MEF2A: variants seen among roughly 807,000 people sequenced by gnomAD.
MEF2A encodes myocyte enhancer factor 2A.
In MEF2A, 28 loss-of-function variants were observed where a neutral mutation model predicts 55.8. The observed-to-expected ratio is 0.50, with a 90% CI of 0.37 to 0.69. MEF2A has a LOEUF of 0.69. Ranked by LOEUF, MEF2A falls within the 30% of genes least tolerant of loss-of-function variation. The pLI, the probability that MEF2A is intolerant of heterozygous loss-of-function variation, is 0.00. For missense variants in MEF2A, 528 were observed against 626.2 expected (o/e 0.84, Z 1.67); for synonymous variants, 239 against 227.1 (o/e 1.05, Z -0.47).
intron 8 of MEF2A, 32 bp downstream of exon 8, chr15:99,690,460 TA>T (rs764983441): frequency 1.2e-5 from 18 of 1,542,756 alleles, no homozygotes; most frequent in Non-Finnish European, 1.8e-6. Flanking sequence ...CTTCATTCTT[TA>T]AAACACATAT....
intron 2 of MEF2A, among the ~76,000 whole-genome samples, chr15:99,629,504 A>G (rs778931030): frequency 6.6e-6 from 1 of 152,132 alleles, no homozygotes; most frequent in Admixed American, 6.5e-5. Flanking sequence ...TAAGGTGGGC[A>G]TGTAAAAGAA....
intron 2 of MEF2A, among the ~76,000 whole-genome samples, chr15:99,615,856 G>A (rs1005907113): frequency 7.2e-5 from 11 of 152,138 alleles, no homozygotes; most frequent in Admixed American, 7.2e-4. Context: ...ACATTCACAT[G>A]GCCTGTGAAG....
At position 99,641,654 on chromosome 15, in the gene MEF2A, C is replaced by T. The variant is rs189076590; in HGVS notation, c.55-3907C>T. On this transcript the variant is annotated intron_variant, in intron 3 of 11. Transcript: ENST00000557942. ...AGGAGAACGGCATGAACTCGGGAGGCGGAGCTTGCAGTGAGTCGAGATCGT... is the reference window on the plus strand; with the variant it reads ...AGGAGAACGGCATGAACTCGGGAGGTGGAGCTTGCAGTGAGTCGAGATCGT... Among the ~76,000 whole-genome samples, 534 of 152,074 alleles carry T rather than the reference C, an allele frequency of 3.5e-3. 5 individuals are homozygous for T. The highest frequency in any genetic ancestry group is 0.012 in the African/African-American group (517 of 41,448).
intron 2 of MEF2A, among the ~76,000 whole-genome samples, chr15:99,627,214 A>C (rs187373242): frequency 1.3e-4 from 19 of 151,980 alleles, no homozygotes; most frequent in Middle Eastern, 3.4e-3. Flanking sequence ...AAAAAGTGGG[A>C]GTTTGAGATC....
At chr15:99,618,083 G>T (rs1349351841) in intron 2 of MEF2A, among the ~76,000 whole-genome samples, 2 of 152,130 alleles carry the variant, frequency 1.3e-5, no homozygotes, top group Non-Finnish European at 2.9e-5. Flanking sequence ...CACTTACTGT[G>T]ATGTCCCTTG....
At chr15:99,630,980 G>C (rs1596610440) in intron 2 of MEF2A, among the ~76,000 whole-genome samples, 1 of 152,180 alleles carries the variant, frequency 6.6e-6, no homozygotes, top group Non-Finnish European at 1.5e-5. Context: ...TGAGTCCAGA[G>C]ACTGGTCTCA....
intron 2 of MEF2A, among the ~76,000 whole-genome samples, chr15:99,610,100 T>C (rs1288256491): frequency 1.3e-5 from 2 of 152,112 alleles, no homozygotes; most frequent in Non-Finnish European, 2.9e-5. Context: ...TTTATATTAC[T>C]GGAAGCATTT....
At chr15:99,680,895 C>G (rs577916208) in intron 7 of MEF2A, among the ~76,000 whole-genome samples, 1 of 152,080 alleles carries the variant, frequency 6.6e-6, no homozygotes, top group Admixed American at 6.5e-5. Flanking sequence ...TTATTTATTA[C>G]TTATAACTTG....
At chr15:99,625,073 A>G (rs1374906703) in intron 2 of MEF2A, among the ~76,000 whole-genome samples, 1 of 152,172 alleles carries the variant, frequency 6.6e-6, no homozygotes, top group Non-Finnish European at 1.5e-5. Context: ...CACGTTTAAG[A>G]TAGGATAGGC....
intron 8 of MEF2A, among the ~76,000 whole-genome samples, chr15:99,695,541 T>G (rs201037731): frequency 1.4e-5 from 2 of 144,880 alleles, no homozygotes; most frequent in Non-Finnish European, 3.0e-5. Flanking sequence ...ATTGTCAGAT[T>G]TGTGTGTGTG....
At chr15:99,655,706 T>TG (rs2047594009) in intron 4 of MEF2A, among the ~76,000 whole-genome samples, 1 of 151,900 alleles carries the variant, frequency 6.6e-6, no homozygotes, top group African/African-American at 2.4e-5. Flanking sequence ...GAGATTAAAG[T>TG]GGGGGGTTAG....
rs569999140 is a variant in MEF2A at position 99,636,059 on chromosome 15, A to C, written c.54+2886A>C. On this transcript the variant is annotated intron_variant, in intron 3 of 11. Coordinates refer to ENST00000557942, the MANE Select transcript of MEF2A (RefSeq NM_001319206.4). ...TCTAGCTGCTCCGGTCTTGAGCAAT[A>C]CTGGGTACTGTCCTTTTCATTTTAG... is the stretch of plus-strand genomic sequence containing the variant. Among the ~76,000 whole-genome samples, 88 of 152,260 alleles carry C rather than the reference A, an allele frequency of 5.8e-4. 3 individuals carry two copies. The South Asian group carries it at 0.018, about 31-fold the overall frequency.
chr15:99,666,365 C>T (rs1705800341), intron 4 of MEF2A, among the ~76,000 whole-genome samples: 1 of 152,064 alleles, frequency 6.6e-6, no homozygotes, highest in South Asian at 2.1e-4. Context: ...CGCATGTTCT[C>T]ACTCATAAGT....
intron 3 of MEF2A, among the ~76,000 whole-genome samples, chr15:99,643,286 G>A (rs563918332): frequency 1.3e-5 from 2 of 152,244 alleles, no homozygotes; most frequent in East Asian, 3.9e-4. Flanking sequence ...TAGAAAGCTA[G>A]TATGTAGAAG....
At chr15:99,701,045 A>G (rs2057338433) in intron 8 of MEF2A, among the ~76,000 whole-genome samples, 1 of 152,248 alleles carries the variant, frequency 6.6e-6, no homozygotes. Flanking sequence ...TCAGTGGATA[A>G]ATGCTAACAT....
intron 8 of MEF2A, among the ~76,000 whole-genome samples, chr15:99,692,654 T>C (rs1319139941): frequency 6.6e-6 from 1 of 152,132 alleles, no homozygotes; most frequent in Middle Eastern, 3.2e-3. Context: ...TGTATACTTT[T>C]TTACTCCGTG....
chr15:99,621,654 T>G (rs896223238), intron 2 of MEF2A, among the ~76,000 whole-genome samples: 3 of 152,220 alleles, frequency 2.0e-5, no homozygotes, highest in Admixed American at 2.0e-4. Context: ...ATGAGTCTTA[T>G]GTCTAGTTTC....
At chr15:99,610,085 C>T (rs1976588253) in intron 2 of MEF2A, among the ~76,000 whole-genome samples, 3 of 151,816 alleles carry the variant, frequency 2.0e-5, no homozygotes, top group Non-Finnish European at 4.4e-5. Flanking sequence ...TTAAATTAAC[C>T]ATCTTTTATA....
chr15:99,605,648 A>C (rs958704662), intron 2 of MEF2A, among the ~76,000 whole-genome samples: 1 of 151,808 alleles, frequency 6.6e-6, no homozygotes, highest in Non-Finnish European at 1.5e-5. Flanking sequence ...GGAGCTTTAC[A>C]GTACTTTTTA....
Sources: gnomAD v4.1 joint callset for allele counts (sites outside exome capture counted in the v4.1 genomes callset) on GRCh38, gnomAD v4.1.1 for gene constraint, MANE v1.5 for transcripts, NCBI Gene and HGNC (gene_info 2026-07-23, HGNC 2026-07-21) for gene names.